Variants in COL25A1 observed in about 807,000 individuals in gnomAD.
COL25A1 encodes the protein collagen type XXV alpha 1 chain, also known as collagen alpha-1(XXV) chain.
In COL25A1, 103 loss-of-function variants were observed where a neutral mutation model predicts 128.4. The ratio of observed to expected loss-of-function variants is 0.80; its 90% CI spans 0.68 to 0.94. COL25A1 has a LOEUF of 0.94. COL25A1 is among the 40% of genes least tolerant of loss of function. COL25A1 has a pLI of 0.00. For synonymous variants in COL25A1, 279 were observed against 277.2 expected, an observed-to-expected ratio of 1.01 and a Z score of -0.06; for missense variants, 745 against 840.0, an observed-to-expected ratio of 0.89 and a Z score of 1.40.
chr4:109,206,691 T>C (rs1777025736), intron 3 of COL25A1, among the ~76,000 whole-genome samples: 1 of 152,198 alleles, frequency 6.6e-6, no homozygotes, highest in African/African-American at 2.4e-5. Flanking sequence ...TTGCAACAAC[T>C]GAAATGAACA....
At chr4:109,218,377 T>TTTTTTTTTTTTTTTTTTTTTA in intron 3 of COL25A1, among the ~76,000 whole-genome samples, 1 of 143,510 alleles carries the variant, frequency 7.0e-6, no homozygotes, top group Non-Finnish European at 1.5e-5. Flanking sequence ...TTTTTTTTTT[T>TTTTTTTTTTTTTTTTTTTTTA]TTTTTGCTTT....
At chr4:108,935,722 G>T (rs1200304803) in intron 11 of COL25A1, among the ~76,000 whole-genome samples, 1 of 152,120 alleles carries the variant, frequency 6.6e-6, no homozygotes, top group East Asian at 1.9e-4. Flanking sequence ...TTTAGGATCA[G>T]GTCAAACATT....
intron 3 of COL25A1, among the ~76,000 whole-genome samples, chr4:109,145,363 G>A (rs989422830): frequency 4.6e-5 from 7 of 152,158 alleles, no homozygotes; most frequent in Admixed American, 1.3e-4. Context: ...CACCGTGCCC[G>A]GCCAAACCTC....
chr4:108,857,414 G>A lies in COL25A1; in HGVS notation c.1320+2242C>T, dbSNP rs546236030. Reference sequence around the variant, plus strand: ...TAACCCAGAGGCCACTACTTACATCGAATCCAATTACACAGAGGAACACTA... The same window carrying A: ...TAACCCAGAGGCCACTACTTACATCAAATCCAATTACACAGAGGAACACTA... On this transcript the variant is annotated intron_variant, in intron 24 of 37. Transcript: ENST00000399132. Among the ~76,000 whole-genome samples the A allele has an allele frequency of 2.0e-4, 31 of 151,942 alleles. No homozygotes were observed. In the South Asian group the frequency reaches 4.0e-3, roughly 19 times the overall value.
chr4:108,972,278 T>A (rs1039049295), intron 8 of COL25A1, among the ~76,000 whole-genome samples: 8 of 151,910 alleles, frequency 5.3e-5, no homozygotes, highest in African/African-American at 1.9e-4. Context: ...ACTCTACATT[T>A]AAAAAAAAGA....
At chr4:108,829,452 G>A (rs1417119355) in intron 32 of COL25A1, among the ~76,000 whole-genome samples, 3 of 151,972 alleles carry the variant, frequency 2.0e-5, no homozygotes, top group African/African-American at 7.3e-5. Flanking sequence ...CTATCTGTGT[G>A]TGTGTGTGTG....
intron 3 of COL25A1, among the ~76,000 whole-genome samples, chr4:109,224,668 A>G (rs1036873225): frequency 5.9e-5 from 9 of 152,184 alleles, no homozygotes; most frequent in African/African-American, 2.2e-4. Context: ...GGCTGGGCAC[A>G]GTGGCTCACA....
intron 13 of COL25A1, among the ~76,000 whole-genome samples, chr4:108,911,220 T>C (rs1744176916): frequency 6.6e-6 from 1 of 152,178 alleles, no homozygotes; most frequent in South Asian, 2.1e-4. Context: ...AATAATATAG[T>C]GTTTTAGGAA....
In COL25A1 at chr4:109,075,777, T is replaced by G. The variant is rs544588399; in HGVS notation, c.368-25598A>C. On this transcript the variant is annotated intron_variant, in intron 3 of 37. Transcript: ENST00000399132. ...AGCCAAATTAACAATCTATACGATC[T>G]TATGTATGCACTTAAAAGCCCACAT... 1.8e-4 allele frequency among the ~76,000 whole-genome samples: 28 copies of G among 152,312 alleles called. No individual in the cohort carries two copies. The South Asian group carries it at 5.6e-3, about 30-fold the overall frequency.
At chr4:108,999,952 A>G (rs927749948) in intron 6 of COL25A1, among the ~76,000 whole-genome samples, 33 of 151,736 alleles carry the variant, frequency 2.2e-4, no homozygotes, top group Middle Eastern at 3.4e-3. Flanking sequence ...AACATCACAC[A>G]CCGGGGCCTG....
chr4:109,162,517 A>AT (rs1169754968), intron 3 of COL25A1, among the ~76,000 whole-genome samples: 2 of 152,154 alleles, frequency 1.3e-5, no homozygotes, highest in Non-Finnish European at 2.9e-5. Flanking sequence ...CCCTAAAATC[A>AT]TTTTTATTTA....
chr4:109,012,904 C>A (rs955285294), intron 5 of COL25A1, among the ~76,000 whole-genome samples: 2 of 152,224 alleles, frequency 1.3e-5, no homozygotes, highest in Non-Finnish European at 2.9e-5. Flanking sequence ...AGCCCTGGTG[C>A]GATCCACTAG....
At chr4:108,892,680 G>A (rs1425245686) in intron 16 of COL25A1, among the ~76,000 whole-genome samples, 1 of 152,094 alleles carries the variant, frequency 6.6e-6, no homozygotes, top group Non-Finnish European at 1.5e-5. Context: ...GAAATCTGGT[G>A]TAGAAAGAGA....
At chr4:109,019,347 CAT>C (rs778726995) in intron 5 of COL25A1, among the ~76,000 whole-genome samples, 75,221 of 133,414 alleles carry the variant, frequency 0.56, 23,017 homozygotes, top group African/African-American at 0.81. Context: ...TATACACACA[CAT>C]ACACACACAC....
intron 3 of COL25A1, among the ~76,000 whole-genome samples, chr4:109,126,879 C>G (rs1225329380): frequency 2.0e-5 from 3 of 150,526 alleles, no homozygotes; most frequent in African/African-American, 7.3e-5. Context: ...GCACATTGTG[C>G]ACATGTACCC....
At chr4:109,217,119 C>T (rs1360433899) in intron 3 of COL25A1, among the ~76,000 whole-genome samples, 1 of 152,018 alleles carries the variant, frequency 6.6e-6, no homozygotes, top group East Asian at 1.9e-4. Flanking sequence ...GGATGCCTAA[C>T]AACTTAAGAA....
chr4:109,164,410 ATTTGTTTGTTTG>A (rs4036264), intron 3 of COL25A1, among the ~76,000 whole-genome samples: 61 of 150,714 alleles, frequency 4.0e-4, no homozygotes, highest in African/African-American at 1.1e-3. Context: ...CAAGAAATAC[ATTTGTTTGTTTG>A]TTTGTTTGTT....
chr4:109,178,725 C>T (rs1774335744), intron 3 of COL25A1, among the ~76,000 whole-genome samples: 1 of 150,240 alleles, frequency 6.7e-6, no homozygotes, highest in Non-Finnish European at 1.5e-5. Context: ...GGCCCAGCTA[C>T]TCAGGAAGCT....
At chr4:109,034,651 T>C (rs1242714984) in intron 5 of COL25A1, among the ~76,000 whole-genome samples, 1 of 152,220 alleles carries the variant, frequency 6.6e-6, no homozygotes, top group Non-Finnish European at 1.5e-5. Flanking sequence ...TTATGCACTC[T>C]GAAACTTTAC....
Sources: gnomAD v4.1 joint callset for allele counts (sites outside exome capture counted in the v4.1 genomes callset) on GRCh38, gnomAD v4.1.1 for gene constraint, MANE v1.5 for transcripts, NCBI Gene and HGNC (gene_info 2026-07-23, HGNC 2026-07-21) for gene names.